The following TBC1D5 variants were observed in gnomAD, a reference collection of about 807,000 sequenced individuals.
TBC1D5 encodes TBC1 domain family member 5, also known as TBC1 domain family, member 5.
TBC1D5 carries 75 observed loss-of-function variants against 100.3 expected under a neutral mutation model. That is an observed-to-expected ratio of 0.75 (90% CI 0.62 to 0.91). TBC1D5 has a LOEUF of 0.91. TBC1D5 is among the 40% of genes least tolerant of loss of function. TBC1D5 has a pLI of 0.00. For missense variants in TBC1D5, 910 were observed against 942.4 expected (o/e 0.97, Z 0.45); for synonymous variants, 323 against 325.6 (o/e 0.99, Z 0.09).
intron 3 of TBC1D5, among the ~76,000 whole-genome samples, chr3:17,437,628 G>GGT: frequency 2.1e-5 from 1 of 47,118 alleles, no homozygotes; most frequent in East Asian, 5.6e-4. Flanking sequence ...GAGGTAGAGA[G>GGT]AGAGAGAGAG....
At chr3:17,425,921 ACAGTT>A (rs1391726739) in intron 4 of TBC1D5, among the ~76,000 whole-genome samples, 54 of 152,150 alleles carry the variant, frequency 3.5e-4, no homozygotes, top group Non-Finnish European at 7.1e-4. Context: ...AGTCTTTAAA[ACAGTT>A]GTGGGAAGGA....
At chr3:17,540,306 G>C (rs928497503) in intron 2 of TBC1D5, among the ~76,000 whole-genome samples, 11 of 152,126 alleles carry the variant, frequency 7.2e-5, no homozygotes, top group Admixed American at 5.9e-4. Flanking sequence ...TTTATTGACA[G>C]TGTCTTTTGA....
At chr3:17,349,356 G>C (rs1020226374) in intron 13 of TBC1D5, among the ~76,000 whole-genome samples, 1 of 152,192 alleles carries the variant, frequency 6.6e-6, no homozygotes, top group Non-Finnish European at 1.5e-5. Flanking sequence ...GGCTGGTGCT[G>C]CTGGTTCTGG....
chr3:17,454,337 G>T (rs532717731), intron 3 of TBC1D5, among the ~76,000 whole-genome samples: 3 of 152,044 alleles, frequency 2.0e-5, no homozygotes, highest in African/African-American at 7.2e-5. Context: ...AATTATCCTT[G>T]TTTGCAAATG....
Position 17,559,040 on chromosome 3 carries a change from A to C in TBC1D5, c.-35-50435T>G, listed in dbSNP as rs184954352. The stretch of plus-strand genomic sequence containing the variant: ...TTCATTCCCCATATTTTCTGCATCA[A>C]TTTCCTAAATATTTTACGGTCTATT... On this transcript the variant is annotated intron_variant, in intron 2 of 21. Transcript: ENST00000253692. Among the ~76,000 whole-genome samples, 41 of 152,078 alleles carry C rather than the reference A, an allele frequency of 2.7e-4. 1 individual carries two copies. Among genetic ancestry groups the C allele is most frequent in the Admixed American group, 8.5e-4 (13 of 15,272 alleles).
chr3:17,488,895 G>C (rs1326390960), intron 3 of TBC1D5, among the ~76,000 whole-genome samples: 6 of 150,540 alleles, frequency 4.0e-5, no homozygotes, highest in African/African-American at 1.2e-4. Flanking sequence ...TCTCATAGAA[G>C]CACAAACTCT....
chr3:17,685,414 A>C (rs973833512), intron 1 of TBC1D5, among the ~76,000 whole-genome samples: 2 of 152,028 alleles, frequency 1.3e-5, no homozygotes, highest in East Asian at 3.9e-4. Context: ...AAATAATCAA[A>C]TAAATAAATA....
At chr3:17,531,584 A>G (rs906154595) in intron 2 of TBC1D5, among the ~76,000 whole-genome samples, 2 of 152,206 alleles carry the variant, frequency 1.3e-5, no homozygotes, top group East Asian at 1.9e-4. Flanking sequence ...ACTTCAAACT[A>G]TACTACAAGG....
chr3:17,158,102 C>T (rs920252846), exon 22 of TBC1D5: 4 of 152,226 alleles, frequency 2.6e-5, no homozygotes, highest in African/African-American at 9.6e-5. Flanking sequence ...CTGTGGCATA[C>T]ACTCAAGGTA....
intron 15 of TBC1D5, among the ~76,000 whole-genome samples, chr3:17,284,424 T>C (rs911162822): frequency 1.3e-5 from 2 of 152,184 alleles, no homozygotes; most frequent in Admixed American, 1.3e-4. Flanking sequence ...GCCATATTAT[T>C]ACCCTATTTG....
rs552848978 is a variant in TBC1D5 at position 17,283,849 on chromosome 3, G to C, written c.1245+8046C>G. Among the ~76,000 whole-genome samples, 156 of 152,102 alleles carry C rather than the reference G, an allele frequency of 1.0e-3. 1 individual carries two copies. Among genetic ancestry groups the C allele is most frequent in the African/African-American group, 3.5e-3 (145 of 41,492 alleles). On this transcript the variant is annotated intron_variant, in intron 15 of 21. Transcript: ENST00000253692. ...AACCACTCTCAGGCACGTTCCCCTG[G>C]TCCTGGCTCCAATGATACTGGTCTT... is the stretch of plus-strand genomic sequence containing the variant.
intron 2 of TBC1D5, among the ~76,000 whole-genome samples, chr3:17,569,910 A>G (rs2096616375): frequency 6.6e-6 from 1 of 151,948 alleles, no homozygotes; most frequent in Non-Finnish European, 1.5e-5. Context: ...TTCACATCAA[A>G]TTATCAATTA....
intron 19 of TBC1D5, among the ~76,000 whole-genome samples, chr3:17,170,864 G>GA (rs1179592415): frequency 1.3e-5 from 2 of 152,006 alleles, no homozygotes; most frequent in Admixed American, 6.5e-5. Flanking sequence ...CATTTGCTCA[G>GA]AAAAAAATGG....
intron 15 of TBC1D5, among the ~76,000 whole-genome samples, chr3:17,288,680 A>G (rs2081407335): frequency 6.6e-6 from 1 of 152,284 alleles, no homozygotes; most frequent in Admixed American, 6.5e-5. Flanking sequence ...CTTCGGGTAG[A>G]GGACCACCCT....
chr3:17,602,422 G>T (rs1259176083), intron 2 of TBC1D5, among the ~76,000 whole-genome samples: 1 of 152,006 alleles, frequency 6.6e-6, no homozygotes, highest in African/African-American at 2.4e-5. Context: ...CTAAAAGAAA[G>T]CTCTCTCTGA....
intron 2 of TBC1D5, among the ~76,000 whole-genome samples, chr3:17,570,352 C>T (rs564958239): frequency 6.6e-6 from 1 of 152,024 alleles, no homozygotes; most frequent in East Asian, 1.9e-4. Context: ...ACAAACTAGG[C>T]ATCATTCCCA....
intron 14 of TBC1D5, among the ~76,000 whole-genome samples, chr3:17,292,625 T>G (rs1239442882): frequency 6.6e-6 from 1 of 151,760 alleles, no homozygotes; most frequent in Admixed American, 6.6e-5. Flanking sequence ...GTCATTTAAT[T>G]TTTTTTTTCA....
At chr3:17,361,364 A>G (rs2091692598) in intron 13 of TBC1D5, among the ~76,000 whole-genome samples, 5 of 152,098 alleles carry the variant, frequency 3.3e-5, no homozygotes. Flanking sequence ...TGGAGACAGA[A>G]CAAGCAGACA....
At chr3:17,684,853 G>A (rs1335696490) in intron 1 of TBC1D5, among the ~76,000 whole-genome samples, 1 of 151,906 alleles carries the variant, frequency 6.6e-6, no homozygotes, top group Non-Finnish European at 1.5e-5. Context: ...AAAGATTACA[G>A]CAGTCAAATT....
Sources: gnomAD v4.1 joint callset for allele counts (sites outside exome capture counted in the v4.1 genomes callset) on GRCh38, gnomAD v4.1.1 for gene constraint, MANE v1.5 for transcripts, NCBI Gene and HGNC (gene_info 2026-07-23, HGNC 2026-07-21) for gene names.